NEMP2: variants seen among roughly 807,000 people sequenced by gnomAD.
NEMP2 encodes the protein nuclear envelope integral membrane protein 2.
In NEMP2, 53 loss-of-function variants were observed where a neutral mutation model predicts 54.2. The ratio of observed to expected loss-of-function variants is 0.98; its 90% confidence interval spans 0.78 to 1.23. The LOEUF is 1.23. Among genes scored for constraint, NEMP2 ranks in the 50% most tolerant of loss-of-function variants. The pLI is 0.00. For synonymous variants in NEMP2, 197 were observed against 190.3 expected (o/e 1.04, Z -0.29); for missense variants, 455 against 511.3 (o/e 0.89, Z 1.06).
chr2:190,428,020 C>G, the NEMP2 span, among the ~76,000 whole-genome samples: 1 of 152,248 alleles, frequency 6.6e-6, no homozygotes, highest in African/African-American at 2.4e-5. Context: ...GCGTGAGCCA[C>G]TGTGCCCTGC....
At chr2:190,436,087 T>C in the NEMP2 span, 1 of 1,614,164 alleles carries the variant, frequency 6.2e-7, no homozygotes, top group South Asian at 1.1e-5. This position sits in a 1 kb window ranked among gnomAD's most constrained non-coding sequence, Gnocchi z 5.3. Context: ...GAAGAGAAAG[T>C]ATGTGCTTGC....
the NEMP2 span, among the ~76,000 whole-genome samples, chr2:190,593,605 C>T: frequency 1.2e-4 from 19 of 152,220 alleles, no homozygotes; most frequent in African/African-American, 4.6e-4. The surrounding 1 kb of genome is among the most constrained non-coding windows in gnomAD (Gnocchi z 4.5). Flanking sequence ...CCTTTATAAC[C>T]AAATGGCCAT....
At chr2:190,474,051 G>A in the NEMP2 span, among the ~76,000 whole-genome samples, 1 of 152,124 alleles carries the variant, frequency 6.6e-6, no homozygotes, top group East Asian at 1.9e-4. Flanking sequence ...GAATCTCTGG[G>A]ACACAGTCAA....
chr2:190,432,459 G>C, the NEMP2 span, among the ~76,000 whole-genome samples: 1 of 152,152 alleles, frequency 6.6e-6, no homozygotes, highest in Non-Finnish European at 1.5e-5. Context: ...CCGTCACCCA[G>C]GCTGGAGAAT....
the NEMP2 span, among the ~76,000 whole-genome samples, chr2:190,566,256 C>T: frequency 9.9e-5 from 15 of 152,114 alleles, no homozygotes; most frequent in Non-Finnish European, 1.8e-4. Flanking sequence ...AATATTGTTT[C>T]ACAAAACATT....
At position 190,505,222 on chromosome 2, in the gene NEMP2, T is replaced by C. The variant is rs1306918496; in HGVS notation, c.*3967A>G. On this transcript the variant is annotated 3_prime_UTR_variant, in exon 9 of 9. Coordinates refer to ENST00000409150, the MANE Select transcript of NEMP2 (RefSeq NM_001142645.2). This position sits in a 1 kb window ranked among gnomAD's most constrained non-coding sequence, Gnocchi z 5.8. ...AAAAGATGGTAATAAATAAAGGAAG[T>C]AGAATATGAGCCCTGGAAGCAGACA... 1 of 152,206 alleles carries C rather than the reference T, an allele frequency of 6.6e-6. No individual in the cohort carries two copies. The highest frequency in any genetic ancestry group is 2.4e-5 in the African/African-American group (1 of 41,452). The allele number at this position is 152,206 out of a possible 1,614,324, so 9.4% of individuals were successfully genotyped here.
the NEMP2 span, among the ~76,000 whole-genome samples, chr2:190,605,259 A>G: frequency 5.9e-5 from 9 of 152,012 alleles, no homozygotes; most frequent in Non-Finnish European, 1.2e-4. Flanking sequence ...AACACCTCAC[A>G]ATCTTGTCCC....
chr2:190,561,211 C>T, the NEMP2 span, among the ~76,000 whole-genome samples: 204 of 152,274 alleles, frequency 1.3e-3, 3 homozygotes, highest in Non-Finnish European at 3.1e-4. This position sits in a 1 kb window ranked among gnomAD's most constrained non-coding sequence, Gnocchi z 5.4. Context: ...GGCCCTTCTT[C>T]TCCAATCATC....
chr2:190,432,365 C>T, the NEMP2 span, among the ~76,000 whole-genome samples: 4 of 152,152 alleles, frequency 2.6e-5, no homozygotes. Flanking sequence ...AGCATGGCAC[C>T]GTTTACAACT....
chr2:190,534,732 G>A (rs954969730), upstream of NEMP2: 114 of 1,095,116 alleles, frequency 1.0e-4, no homozygotes, highest in Non-Finnish European at 1.3e-4. Flanking sequence ...TGGCGCGGGG[G>A]CTCAGAGAAG....
chr2:190,426,658 G>C, the NEMP2 span, among the ~76,000 whole-genome samples: 176 of 152,150 alleles, frequency 1.2e-3, 1 homozygote, highest in Non-Finnish European at 2.1e-3. The surrounding 1 kb of genome is among the most constrained non-coding windows in gnomAD (Gnocchi z 4.7). Context: ...AGTCCCCAGT[G>C]TCTATTATTT....
Position 190,509,399 on chromosome 2 carries a change from CTTTAA to C in NEMP2, c.1131-92_1131-88del, listed in dbSNP as rs1022397137. The C allele has an allele frequency of 1.4e-6, 2 of 1,444,610 alleles. No individual in the cohort carries two copies. The highest frequency in any genetic ancestry group is 2.9e-5 in the African/African-American group (2 of 70,130). 89.5% of individuals were successfully genotyped at this position (1,444,610 alleles called of 1,614,324 possible). Reference sequence around the variant, plus strand: ...AACATGTTCCCTTGCTATTTATCCCCTTTAATTAAATTTGACTTTGCATCAATACA... The same window carrying C: ...AACATGTTCCCTTGCTATTTATCCCCTTAAATTTGACTTTGCATCAATACA... On this transcript the variant is annotated intron_variant, in intron 8 of 8. Transcript: ENST00000409150. This position sits in a 1 kb window ranked among gnomAD's most constrained non-coding sequence, Gnocchi z 6.1.
chr2:190,567,680 C>T, the NEMP2 span, among the ~76,000 whole-genome samples: 3 of 152,196 alleles, frequency 2.0e-5, no homozygotes, highest in African/African-American at 4.8e-5. The surrounding 1 kb of genome is among the most constrained non-coding windows in gnomAD (Gnocchi z 4.0). Context: ...GATGGAGTCT[C>T]GCTCTGTCAC....
the NEMP2 span, among the ~76,000 whole-genome samples, chr2:190,588,974 A>G: frequency 7.9e-5 from 12 of 152,330 alleles, no homozygotes; most frequent in East Asian, 2.3e-3. This position sits in a 1 kb window ranked among gnomAD's most constrained non-coding sequence, Gnocchi z 5.0. Context: ...TAGAGACAGT[A>G]TGTACCTCAC....
chr2:190,586,897 A>G, the NEMP2 span, among the ~76,000 whole-genome samples: 6 of 152,270 alleles, frequency 3.9e-5, no homozygotes, highest in East Asian at 7.7e-4. The surrounding 1 kb of genome is among the most constrained non-coding windows in gnomAD (Gnocchi z 4.5). Context: ...CTTGACTTCT[A>G]TTGTCCCTCC....
chr2:190,455,595 C>T, the NEMP2 span, among the ~76,000 whole-genome samples: 32 of 152,140 alleles, frequency 2.1e-4, no homozygotes, highest in East Asian at 2.5e-3. Flanking sequence ...TTAATAACAA[C>T]GCTTATCCTT....
At chr2:190,564,602 T>C in the NEMP2 span, among the ~76,000 whole-genome samples, 166 of 152,316 alleles carry the variant, frequency 1.1e-3, 1 homozygote, top group Middle Eastern at 3.4e-3. This position sits in a 1 kb window ranked among gnomAD's most constrained non-coding sequence, Gnocchi z 4.2. Flanking sequence ...ATCTATATGA[T>C]TTAACTTTGT....
At chr2:190,594,975 C>T in the NEMP2 span, among the ~76,000 whole-genome samples, 1 of 152,146 alleles carries the variant, frequency 6.6e-6, no homozygotes, top group South Asian at 2.1e-4. The surrounding 1 kb of genome is among the most constrained non-coding windows in gnomAD (Gnocchi z 5.6). Context: ...TTCCTATATG[C>T]ATCCACACAT....
chr2:190,489,908 G>A, the NEMP2 span: 1 of 1,532,024 alleles, frequency 6.5e-7, no homozygotes. The surrounding 1 kb of genome is among the most constrained non-coding windows in gnomAD (Gnocchi z 6.6). Context: ...AACAGTTCAG[G>A]CCATGGGAAG....
Sources: allele counts gnomAD v4.1 joint callset (sites outside exome capture counted in the v4.1 genomes callset), GRCh38; gene constraint gnomAD v4.1.1; non-coding constraint Gnocchi (gnomAD v3.1); transcripts MANE v1.5; gene names NCBI Gene and HGNC (gene_info 2026-07-23, HGNC 2026-07-21).